The following SGCD variants were observed in gnomAD, a reference collection of about 807,000 sequenced individuals.
SGCD encodes the protein delta-sarcoglycan.
A neutral mutation model predicts 36.6 loss-of-function variants in SGCD; 18 were observed. The ratio of observed to expected loss-of-function variants is 0.49; its 90% CI spans 0.34 to 0.73. The LOEUF (loss-of-function observed/expected upper bound fraction) is 0.73. SGCD is among the 30% of genes least tolerant of loss of function. The pLI, the probability that SGCD is intolerant of heterozygous loss-of-function variation, is 0.01. For synonymous variants in SGCD, 133 were observed against 130.6 expected (o/e 1.02, Z -0.12); for missense variants, 387 against 346.7 (o/e 1.12, Z -0.92).
the SGCD span, among the ~76,000 whole-genome samples, chr5:155,830,131 G>A: frequency 8.5e-5 from 13 of 152,296 alleles, no homozygotes; most frequent in South Asian, 1.2e-3. Flanking sequence ...GAATTACAGT[G>A]TATTAGACTT....
At chr5:156,287,625 CTTTGTG>C (rs1766643454) in intron 3 of SGCD, among the ~76,000 whole-genome samples, 1 of 122,388 alleles carries the variant, frequency 8.2e-6, no homozygotes, top group African/African-American at 3.1e-5. Context: ...AGTTCCGTTT[CTTTGTG>C]TGTGTGTGTG....
intron 7 of SGCD, among the ~76,000 whole-genome samples, chr5:156,694,223 C>A (rs535906837): frequency 6.6e-6 from 1 of 152,290 alleles, no homozygotes; most frequent in African/African-American, 2.4e-5. Context: ...ACCTTCTCAC[C>A]CAGGTCACTG....
chr5:155,890,491 C>A (rs1196342302), intron 1 of SGCD, among the ~76,000 whole-genome samples: 1 of 151,926 alleles, frequency 6.6e-6, no homozygotes, highest in African/African-American at 2.4e-5. Context: ...CAGAAATAGT[C>A]CCAGCTACTT....
chr5:156,101,807 A>G (rs1197437008), intron 1 of SGCD, among the ~76,000 whole-genome samples: 2 of 152,246 alleles, frequency 1.3e-5, no homozygotes, highest in East Asian at 3.9e-4. Flanking sequence ...AAAAGATCCA[A>G]CGAAAATCTT....
intron 1 of SGCD, among the ~76,000 whole-genome samples, chr5:156,020,216 GA>G (rs1393651111): frequency 6.6e-6 from 1 of 152,184 alleles, no homozygotes; most frequent in Non-Finnish European, 1.5e-5. Flanking sequence ...TGATATGTCT[GA>G]AAGATCTTGA....
At chr5:156,154,960 C>T (rs1054253323) in intron 3 of SGCD, among the ~76,000 whole-genome samples, 4 of 151,598 alleles carry the variant, frequency 2.6e-5, no homozygotes, top group African/African-American at 9.8e-5. Flanking sequence ...ATGACAAACT[C>T]AATGTCTGCA....
the SGCD span, among the ~76,000 whole-genome samples, chr5:155,832,816 A>G: frequency 1.3e-5 from 2 of 151,472 alleles, no homozygotes; most frequent in Admixed American, 6.6e-5. Context: ...ATTTTAATTA[A>G]TAAGTAAGTT....
intron 7 of SGCD, among the ~76,000 whole-genome samples, chr5:156,749,748 C>T (rs531787868): frequency 6.6e-6 from 1 of 151,906 alleles, no homozygotes; most frequent in African/African-American, 2.4e-5. Context: ...AGAAGAAACA[C>T]AAAACCTCTA....
At chr5:156,612,581 A>G (rs1761865805) in intron 6 of SGCD, among the ~76,000 whole-genome samples, 2 of 152,254 alleles carry the variant, frequency 1.3e-5, no homozygotes, top group Admixed American at 1.3e-4. Flanking sequence ...CCCACTATGC[A>G]GGTCTGCCTG....
intron 3 of SGCD, among the ~76,000 whole-genome samples, chr5:156,348,046 G>T (rs1253475181): frequency 6.6e-6 from 1 of 152,124 alleles, no homozygotes; most frequent in Non-Finnish European, 1.5e-5. Context: ...CAAGTTAAAA[G>T]CATATTTTCC....
At chr5:155,872,622 C>T (rs927687090) in intron 1 of SGCD, among the ~76,000 whole-genome samples, 5 of 152,092 alleles carry the variant, frequency 3.3e-5, no homozygotes, top group Non-Finnish European at 7.3e-5. Context: ...CTTTTGCCAT[C>T]TATTGAATAG....
upstream of SGCD, among the ~76,000 whole-genome samples, chr5:156,322,001 G>C (rs1767685394): frequency 6.6e-6 from 1 of 152,070 alleles, no homozygotes; most frequent in African/African-American, 2.4e-5. Flanking sequence ...TGCTGTAACT[G>C]CTCTGTGGCC....
At chr5:156,425,559 T>C (rs139437299) in intron 3 of SGCD, among the ~76,000 whole-genome samples, 1 of 149,326 alleles carries the variant, frequency 6.7e-6, no homozygotes, top group East Asian at 1.9e-4. Flanking sequence ...GGATGACGGG[T>C]TTTTTTTATT....
intron 3 of SGCD, among the ~76,000 whole-genome samples, chr5:156,281,047 C>T: frequency 6.6e-6 from 1 of 152,056 alleles, no homozygotes; most frequent in East Asian, 1.9e-4. Context: ...ATTAAGCAGA[C>T]ATTAATTGTG....
At chr5:156,397,110 G>A (rs1771898502) in intron 3 of SGCD, among the ~76,000 whole-genome samples, 1 of 152,234 alleles carries the variant, frequency 6.6e-6, no homozygotes, top group African/African-American at 2.4e-5. Context: ...ATTAACCTGA[G>A]CAGGCTGGCA....
At chr5:155,996,197 G>T (rs1283650204) in intron 1 of SGCD, among the ~76,000 whole-genome samples, 2 of 151,892 alleles carry the variant, frequency 1.3e-5, no homozygotes, top group African/African-American at 4.8e-5. Context: ...ATGTCACAGG[G>T]GTTTGCTGTA....
intron 7 of SGCD, among the ~76,000 whole-genome samples, chr5:156,696,471 T>C (rs964395647): frequency 3.3e-5 from 5 of 152,202 alleles, no homozygotes; most frequent in African/African-American, 1.2e-4. Flanking sequence ...TTTGAGGGCT[T>C]AACAGAAAAC....
intron 1 of SGCD, among the ~76,000 whole-genome samples, chr5:156,088,650 C>G (rs981611765): frequency 6.6e-6 from 1 of 152,038 alleles, no homozygotes; most frequent in Non-Finnish European, 1.5e-5. Flanking sequence ...CAGATGTGCA[C>G]TGCTATACTC....
chr5:156,057,065 T>G (rs1329745151), intron 1 of SGCD, among the ~76,000 whole-genome samples: 1 of 146,502 alleles, frequency 6.8e-6, no homozygotes. Flanking sequence ...ACAGCTTGGA[T>G]GTTCAGTAAT....
Sources: gnomAD v4.1 joint callset for allele counts (sites outside exome capture counted in the v4.1 genomes callset) on GRCh38, gnomAD v4.1.1 for gene constraint, MANE v1.5 for transcripts, NCBI Gene and HGNC (gene_info 2026-07-23, HGNC 2026-07-21) for gene names.